The following MYO16 variants were observed in gnomAD, a reference collection of about 807,000 sequenced individuals.
MYO16 encodes myosin XVI, also known as unconventional myosin-XVI.
In MYO16, 94 loss-of-function variants were observed where a neutral mutation model predicts 205.3. The observed-to-expected ratio is 0.46, with a 90% CI of 0.39 to 0.54. The LOEUF (loss-of-function observed/expected upper bound fraction) is 0.54. MYO16 is among the 20% of genes least tolerant of loss of function. MYO16 has a pLI of 0.00. For synonymous variants in MYO16, 988 were observed against 954.0 expected, an observed-to-expected ratio of 1.04 and a Z score of -0.66; for missense variants, 2,315 against 2,387.5, an observed-to-expected ratio of 0.97 and a Z score of 0.63.
chr13:108,672,888 C>T (rs1473141424), intron 2 of MYO16, among the ~76,000 whole-genome samples: 1 of 152,144 alleles, frequency 6.6e-6, no homozygotes, highest in East Asian at 1.9e-4. Flanking sequence ...CCAAATATTG[C>T]TTCGTACTAA....
intron 1 of MYO16, among the ~76,000 whole-genome samples, chr13:108,602,322 C>A (rs575871304): frequency 1.3e-5 from 2 of 152,180 alleles, no homozygotes; most frequent in Admixed American, 1.3e-4. Context: ...AAGATGTAGA[C>A]CTCTTGCACC....
intron 3 of MYO16, among the ~76,000 whole-genome samples, chr13:108,727,110 A>G (rs946870428): frequency 2.0e-5 from 3 of 151,808 alleles, no homozygotes; most frequent in African/African-American, 7.3e-5. Flanking sequence ...TTTTAGAAAG[A>G]TAATTATTGT....
Position 108,961,586 on chromosome 13 carries a change from A to G in MYO16, c.2085A>G (p.Gly695=). 6.2e-7 allele frequency: 1 copy of G among 1,614,116 alleles called. No individual in the cohort carries two copies. The highest frequency in any genetic ancestry group is 8.5e-7 in the Non-Finnish European group (1 of 1,179,988). The change falls in exon 18 of 35, where the codon GGA becomes GGG. Residue 695 remains glycine (G), a synonymous_variant. Coordinates refer to ENST00000457511, the MANE Select transcript of MYO16 (RefSeq NM_001198950.3). Reference sequence around the variant, plus strand: ...TTCTAGCAGCAATATTGCACCTTGGAGACATTCGGTTTACTGCCCTGAATG... The same window carrying G: ...TTCTAGCAGCAATATTGCACCTTGGGGACATTCGGTTTACTGCCCTGAATG... ...FVILAAILHL[G]DIRFTALNEG...
intron 23 of MYO16, among the ~76,000 whole-genome samples, chr13:109,038,048 A>G (rs1476786005): frequency 2.0e-5 from 3 of 152,208 alleles, no homozygotes; most frequent in African/African-American, 7.2e-5. Context: ...AAAGCGAAGG[A>G]TTTAATTAGG....
chr13:108,973,789 C>T lies in MYO16; in HGVS notation c.2369+8887C>T, dbSNP rs187728726. 6.6e-4 allele frequency among the ~76,000 whole-genome samples: 101 copies of T among 152,246 alleles called. 1 individual carries two copies. The East Asian group carries it at 0.015, about 22-fold the overall frequency. On this transcript the variant is annotated intron_variant, in intron 20 of 34. Coordinates refer to ENST00000457511, the MANE Select transcript of MYO16 (RefSeq NM_001198950.3). Reference sequence around the variant, plus strand: ...TAGTGTCTAAATGAACATAGAGAATCGGCACTAATAAGATTGTAACAAGCA... The same window carrying T: ...TAGTGTCTAAATGAACATAGAGAATTGGCACTAATAAGATTGTAACAAGCA...
At chr13:108,908,931 C>T (rs1881123744) in intron 15 of MYO16, among the ~76,000 whole-genome samples, 1 of 150,866 alleles carries the variant, frequency 6.6e-6, no homozygotes, top group African/African-American at 2.4e-5. Flanking sequence ...CAAGATCGTG[C>T]CACTGCACTC....
the MYO16 span, among the ~76,000 whole-genome samples, chr13:108,552,709 G>A: frequency 6.6e-6 from 1 of 152,050 alleles, no homozygotes; most frequent in Admixed American, 6.6e-5. Context: ...CCTTCCTCCT[G>A]TTATATCTGT....
At chr13:109,082,159 G>A (rs777738067) in intron 27 of MYO16, among the ~76,000 whole-genome samples, 1 of 152,132 alleles carries the variant, frequency 6.6e-6, no homozygotes, top group African/African-American at 2.4e-5. Flanking sequence ...CACCATCGTC[G>A]TAGACTGACC....
At chr13:108,894,146 A>G (rs1880301180) in intron 14 of MYO16, among the ~76,000 whole-genome samples, 1 of 152,176 alleles carries the variant, frequency 6.6e-6, no homozygotes, top group East Asian at 1.9e-4. Context: ...GTTTTAAACC[A>G]TAGATCTCAT....
the MYO16 span, among the ~76,000 whole-genome samples, chr13:108,559,047 G>T: frequency 6.7e-6 from 1 of 149,308 alleles, no homozygotes; most frequent in Non-Finnish European, 1.5e-5. Context: ...GGGTTGAATT[G>T]TGTCTCTGGA....
chr13:108,921,151 T>C (rs1337660361), intron 16 of MYO16, among the ~76,000 whole-genome samples: 3 of 152,228 alleles, frequency 2.0e-5, no homozygotes, highest in African/African-American at 7.2e-5. Context: ...GTGTTTCTTT[T>C]TCTCTCAACC....
intron 28 of MYO16, among the ~76,000 whole-genome samples, chr13:109,109,217 A>G (rs528804840): frequency 1.4e-4 from 22 of 152,262 alleles, no homozygotes; most frequent in Middle Eastern, 3.4e-3. Flanking sequence ...TTATTTAGTC[A>G]TTCGATAAGC....
chr13:108,657,323 T>G (rs1017771918), intron 1 of MYO16, among the ~76,000 whole-genome samples: 4 of 152,168 alleles, frequency 2.6e-5, no homozygotes, highest in Admixed American at 2.6e-4. Context: ...AAAGCCACAG[T>G]TAGGAAATGT....
At chr13:109,183,616 C>T (rs1212179438) in intron 34 of MYO16, among the ~76,000 whole-genome samples, 1 of 152,228 alleles carries the variant, frequency 6.6e-6, no homozygotes, top group East Asian at 1.9e-4. Flanking sequence ...GTCTGCTCTC[C>T]ACAGTAATAT....
At chr13:108,642,520 C>T (rs945863348) in intron 1 of MYO16, among the ~76,000 whole-genome samples, 4 of 152,052 alleles carry the variant, frequency 2.6e-5, no homozygotes, top group Admixed American at 1.3e-4. Context: ...TTGGTTCAAG[C>T]GATTGTCATG....
chr13:109,033,068 C>T (rs1378494049), intron 23 of MYO16, among the ~76,000 whole-genome samples: 1 of 152,122 alleles, frequency 6.6e-6, no homozygotes, highest in African/African-American at 2.4e-5. Flanking sequence ...TGAATCTCTA[C>T]ACAATGCCCC....
At chr13:108,563,526 T>C in the MYO16 span, among the ~76,000 whole-genome samples, 1 of 152,168 alleles carries the variant, frequency 6.6e-6, no homozygotes, top group South Asian at 2.1e-4. Flanking sequence ...ATTCTTCTAA[T>C]TTCTATGTCC....
intron 21 of MYO16, among the ~76,000 whole-genome samples, chr13:109,001,701 C>G (rs1332435973): frequency 6.6e-6 from 1 of 152,124 alleles, no homozygotes; most frequent in African/African-American, 2.4e-5. Context: ...GTCTGGTGAG[C>G]CCCAAGGTAA....
At chr13:108,811,270 A>AT (rs901333819) in intron 7 of MYO16, among the ~76,000 whole-genome samples, 9 of 152,020 alleles carry the variant, frequency 5.9e-5, no homozygotes, top group African/African-American at 2.2e-4. Context: ...CAGAACTTTA[A>AT]TTTTTTTGTG....
Sources: allele counts gnomAD v4.1 joint callset (sites outside exome capture counted in the v4.1 genomes callset), GRCh38; gene constraint gnomAD v4.1.1; transcripts MANE v1.5; gene names NCBI Gene and HGNC (gene_info 2026-07-23, HGNC 2026-07-21).